RASAL2: variants seen among roughly 807,000 people sequenced by gnomAD.
RASAL2 encodes the protein RAS protein activator like 2, also known as ras GTPase-activating protein nGAP.
In RASAL2, 58 loss-of-function variants were observed where a neutral mutation model predicts 128.9. The observed-to-expected ratio is 0.45, with a 90% confidence interval of 0.36 to 0.56. The LOEUF is 0.56. RASAL2 is among the 20% of genes least tolerant of loss of function. The pLI is 0.00. For synonymous variants in RASAL2, 561 were observed against 580.8 expected (o/e 0.97, Z 0.49); for missense variants, 1,360 against 1,601.6 (o/e 0.85, Z 2.57).
intron 1 of RASAL2, among the ~76,000 whole-genome samples, chr1:178,152,663 C>CA (rs1047015128): frequency 4.0e-5 from 6 of 151,678 alleles, no homozygotes; most frequent in Non-Finnish European, 7.4e-5. Context: ...GACTCTGTCT[C>CA]AAAAAAACAA....
chr1:178,190,304 T>C (rs917879611), intron 1 of RASAL2, among the ~76,000 whole-genome samples: 1 of 152,164 alleles, frequency 6.6e-6, no homozygotes, highest in Admixed American at 6.5e-5. Context: ...ACAAGAGAAC[T>C]GAAGGTACTT....
chr1:178,132,891 C>A (rs1220574707), intron 1 of RASAL2, among the ~76,000 whole-genome samples: 1 of 151,832 alleles, frequency 6.6e-6, no homozygotes, highest in Non-Finnish European at 1.5e-5. Context: ...GCCTCAACCT[C>A]CCAAGTAGCT....
chr1:178,237,919 C>G (rs1378255750), intron 1 of RASAL2, among the ~76,000 whole-genome samples: 1 of 152,196 alleles, frequency 6.6e-6, no homozygotes, highest in South Asian at 2.1e-4. Context: ...CACCATTCTA[C>G]TTTCTGTCTC....
At chr1:178,456,984 T>G in intron 13 of RASAL2, 85 bp downstream of exon 13, 2 of 1,387,286 alleles carry the variant, frequency 1.4e-6, no homozygotes, top group South Asian at 2.6e-5. Context: ...TTTGTTGAAT[T>G]TACAAGTTTA....
chr1:178,116,943 G>A (rs1659541183), intron 1 of RASAL2, among the ~76,000 whole-genome samples: 1 of 152,184 alleles, frequency 6.6e-6, no homozygotes, highest in Admixed American at 6.6e-5. Context: ...CAGTCTGAAA[G>A]TGAAGAGCCA....
intron 1 of RASAL2, among the ~76,000 whole-genome samples, chr1:178,110,588 T>TGCTATATATACTGTATATATAC (rs1659272500): frequency 2.0e-5 from 3 of 146,436 alleles, no homozygotes; most frequent in East Asian, 2.0e-4. Context: ...AGTATATATA[T>TGCTATATATACTGTATATATAC]GCTATATATA....
chr1:178,358,786 A>C (rs1212658494), intron 3 of RASAL2, among the ~76,000 whole-genome samples: 1 of 152,164 alleles, frequency 6.6e-6, no homozygotes, highest in Non-Finnish European at 1.5e-5. Flanking sequence ...GTATATACCA[A>C]AGAGGAATTC....
At chr1:178,226,167 C>A (rs74128887) in intron 1 of RASAL2, among the ~76,000 whole-genome samples, 1 of 152,038 alleles carries the variant, frequency 6.6e-6, no homozygotes, top group African/African-American at 2.4e-5. Flanking sequence ...GAATCTCAGG[C>A]GGAGTAGTAA....
intron 3 of RASAL2, among the ~76,000 whole-genome samples, chr1:178,356,164 C>CT (rs1670796273): frequency 8.2e-6 from 1 of 122,684 alleles, no homozygotes; most frequent in African/African-American, 3.8e-5. Context: ...GAGCAAGACT[C>CT]TGTCTCAAAA....
intron 3 of RASAL2, among the ~76,000 whole-genome samples, chr1:178,303,904 G>T (rs1407685455): frequency 3.9e-5 from 6 of 152,074 alleles, no homozygotes; most frequent in Non-Finnish European, 7.4e-5. Context: ...CTAATCTATG[G>T]TGTTAGTTAT....
At chr1:178,383,743 C>G (rs73035291) in intron 3 of RASAL2, among the ~76,000 whole-genome samples, 3,158 of 152,248 alleles carry the variant, frequency 0.021, 93 homozygotes, top group African/African-American at 0.069. Flanking sequence ...AAGAAGAACC[C>G]TCCTAATTCA....
At chr1:178,434,923 CA>C (rs1470464038) in intron 5 of RASAL2, among the ~76,000 whole-genome samples, 1 of 151,946 alleles carries the variant, frequency 6.6e-6, no homozygotes, top group Non-Finnish European at 1.5e-5. Flanking sequence ...AGCTCAAATT[CA>C]ATTTTTAAAA....
chr1:178,270,328 G>A (rs970807194), intron 1 of RASAL2, among the ~76,000 whole-genome samples: 4 of 151,146 alleles, frequency 2.6e-5, no homozygotes, highest in Admixed American at 6.6e-5. Context: ...TTTTTATCTT[G>A]ACCCTCCTAG....
At chr1:178,408,396 C>G (rs116703062) in intron 4 of RASAL2, among the ~76,000 whole-genome samples, 120 of 152,240 alleles carry the variant, frequency 7.9e-4, no homozygotes, top group African/African-American at 2.7e-3. Context: ...TGGTATCCAT[C>G]TATTTTTAAA....
intron 3 of RASAL2, among the ~76,000 whole-genome samples, chr1:178,331,531 A>G (rs1181181924): frequency 6.6e-6 from 1 of 151,882 alleles, no homozygotes; most frequent in Non-Finnish European, 1.5e-5. Flanking sequence ...ATCATAGGAC[A>G]AACTGTGATG....
intron 1 of RASAL2, among the ~76,000 whole-genome samples, chr1:178,101,281 C>A (rs764536310): frequency 6.6e-6 from 1 of 152,198 alleles, no homozygotes; most frequent in African/African-American, 2.4e-5. Context: ...CTTTCCTAAT[C>A]TCTACAGCTG....
At chr1:178,386,116 C>T (rs1672552381) in intron 3 of RASAL2, among the ~76,000 whole-genome samples, 1 of 152,196 alleles carries the variant, frequency 6.6e-6, no homozygotes, top group South Asian at 2.1e-4. Flanking sequence ...AAATTGACTT[C>T]TGTTTGTTGA....
chr1:178,430,149 AGAG>A (rs1675792866), intron 5 of RASAL2, among the ~76,000 whole-genome samples: 2 of 152,154 alleles, frequency 1.3e-5, no homozygotes, highest in Non-Finnish European at 2.9e-5. Context: ...CTGAAACAGA[AGAG>A]GAGAGTCAAA....
intron 8 of RASAL2, among the ~76,000 whole-genome samples, chr1:178,445,035 G>A (rs1676903755): frequency 6.6e-6 from 1 of 151,806 alleles, no homozygotes; most frequent in African/African-American, 2.4e-5. Flanking sequence ...CACCTTCACT[G>A]AGGAAATGAT....
Sources: gnomAD v4.1 joint callset for allele counts (sites outside exome capture counted in the v4.1 genomes callset) on GRCh38, gnomAD v4.1.1 for gene constraint, MANE v1.5 for transcripts, NCBI Gene and HGNC (gene_info 2026-07-23, HGNC 2026-07-21) for gene names.